MAP3K4: variants seen among roughly 807,000 people sequenced by gnomAD.
MAP3K4 encodes the protein MAP three kinase 1.
MAP3K4 carries 67 observed loss-of-function variants against 185.6 expected under a neutral mutation model. The observed-to-expected ratio is 0.36, with a 90% CI of 0.30 to 0.44. The LOEUF is 0.44. Among genes scored for constraint, MAP3K4 ranks in the 20% least tolerant of loss-of-function variants. The pLI, the probability that MAP3K4 is intolerant of heterozygous loss-of-function variation, is 1.00. For synonymous variants in MAP3K4, 702 were observed against 710.4 expected (o/e 0.99, Z 0.19); for missense variants, 1,551 against 1,995.1 (o/e 0.78, Z 4.24).
chr6:161,050,147 C>T (rs1033143926), intron 3 of MAP3K4, among the ~76,000 whole-genome samples, 168 bp downstream of exon 3: 4 of 152,084 alleles, frequency 2.6e-5, no homozygotes, highest in African/African-American at 9.7e-5. Context: ...TTAAATAGAT[C>T]TATGAAAACT....
chr6:161,004,838 CAG>C (rs1009484487), intron 1 of MAP3K4, among the ~76,000 whole-genome samples: 46 of 152,092 alleles, frequency 3.0e-4, no homozygotes, highest in African/African-American at 1.1e-3. Flanking sequence ...CATAGTAAAA[CAG>C]AGAATCTTGC....
rs1355030319 is a variant in MAP3K4 at position 161,117,347 on chromosome 6, G to A, written c.*477G>A. On this transcript the variant is annotated 3_prime_UTR_variant, in exon 27 of 27. Transcript: ENST00000392142. ...CTGATTACTGAAATTTAAGAAAAAG[G>A]TTCTTTTTTCAATAAATGGTTTATT... 6.5e-6 allele frequency: 1 copy of A among 154,602 alleles called. No homozygotes were observed. Among genetic ancestry groups the A allele is most frequent in the Non-Finnish European group, 1.4e-5 (1 of 69,470 alleles). 9.6% of individuals were successfully genotyped at this position (154,602 alleles called of 1,614,324 possible). A position where few individuals can be genotyped will look rare whatever the true frequency, so the allele number is the denominator to read the frequency against.
chr6:161,055,525 A>G (rs1176688205), intron 3 of MAP3K4, among the ~76,000 whole-genome samples: 1 of 152,226 alleles, frequency 6.6e-6, no homozygotes, highest in Non-Finnish European at 1.5e-5. Flanking sequence ...GTTAAAACTA[A>G]TATATTAACA....
Position 161,075,956 on chromosome 6 carries a change from G to A in MAP3K4, c.2097+2344G>A, listed in dbSNP as rs1014808538. ...GTGTTTCTATTAGGAAGGAAGGAAA[G>A]AACAGCAATTGAATTGGCAGTCAAA... On this transcript the variant is annotated intron_variant, in intron 5 of 26. Coordinates refer to ENST00000392142, the MANE Select transcript of MAP3K4 (RefSeq NM_005922.4). This position sits in a 1 kb window ranked among gnomAD's most constrained non-coding sequence, Gnocchi z 4.3. 3.9e-5 allele frequency among the ~76,000 whole-genome samples: 6 copies of A among 151,940 alleles called. No homozygotes were observed. Among genetic ancestry groups the A allele is most frequent in the African/African-American group, 9.7e-5 (4 of 41,334 alleles).
intron 23 of MAP3K4, among the ~76,000 whole-genome samples, chr6:161,111,455 A>C (rs542090253): frequency 6.6e-6 from 1 of 152,178 alleles, no homozygotes; most frequent in African/African-American, 2.4e-5. Context: ...TCTCATCTAC[A>C]TGTCGCTTCC....
intron 2 of MAP3K4, among the ~76,000 whole-genome samples, chr6:161,044,887 T>A (rs925396271): frequency 7.2e-5 from 11 of 152,142 alleles, no homozygotes; most frequent in African/African-American, 2.7e-4. Context: ...GACTGGCTGG[T>A]TCCCGTGGGG....
At position 161,067,718 on chromosome 6, in the gene MAP3K4, G is replaced by T. The variant is rs974111967; in HGVS notation, c.1708-2890G>T. Among the ~76,000 whole-genome samples, 1 of 152,168 alleles carries T rather than the reference G, an allele frequency of 6.6e-6. No homozygotes were observed. Among genetic ancestry groups the T allele is most frequent in the Non-Finnish European group, 1.5e-5 (1 of 68,018 alleles). ...GATGTCAGGTTATAATAGACTAAAC[G>T]TCTGTGTTTTAAGAGACAAGAATTT... On this transcript the variant is annotated intron_variant, in intron 3 of 26. Transcript: ENST00000392142. The surrounding 1 kb of genome is among the most constrained non-coding windows in gnomAD (Gnocchi z 6.3).
At chr6:161,036,717 C>T (rs1313242849) in intron 2 of MAP3K4, among the ~76,000 whole-genome samples, 1 of 152,160 alleles carries the variant, frequency 6.6e-6, no homozygotes, top group Non-Finnish European at 1.5e-5. Context: ...AAAGAATTAT[C>T]TTTTGAATAA....
rs745798792 is a variant in MAP3K4 at position 161,117,019 on chromosome 6, T to A, written c.*149T>A. 7.4e-5 allele frequency: 53 copies of A among 720,448 alleles called. No individual in the cohort carries two copies. The highest frequency in any genetic ancestry group is 1.2e-4 in the Non-Finnish European group (51 of 432,838). The allele number at this position is 720,448 out of a possible 1,614,324, so 44.6% of individuals were successfully genotyped here. A position where few individuals can be genotyped will look rare whatever the true frequency, so the allele number is the denominator to read the frequency against. On this transcript the variant is annotated 3_prime_UTR_variant, in exon 27 of 27. Transcript: ENST00000392142. ...TGACAAGCGTCACTTCTCCTGCTGCTCCTGTTTGTCTGATGTGGCAAAAGG... is the reference window on the plus strand; with the variant it reads ...TGACAAGCGTCACTTCTCCTGCTGCACCTGTTTGTCTGATGTGGCAAAAGG...
intron 1 of MAP3K4, among the ~76,000 whole-genome samples, chr6:161,030,605 G>A (rs1345278720): frequency 6.6e-6 from 1 of 151,902 alleles, no homozygotes; most frequent in South Asian, 2.1e-4. Context: ...TGTAGAGATG[G>A]GGTTTTGCCA....
In MAP3K4 at chr6:161,108,031, A is replaced by G. The variant is rs1251360299; in HGVS notation, c.4119+62A>G. The G allele has an allele frequency of 6.9e-7, 1 of 1,458,094 alleles. No homozygotes were observed. Among genetic ancestry groups the G allele is most frequent in the Non-Finnish European group, 9.5e-7 (1 of 1,048,462 alleles). 90.3% of individuals were successfully genotyped at this position (1,458,094 alleles called of 1,614,324 possible). A position where few individuals can be genotyped will look rare whatever the true frequency, so the allele number is the denominator to read the frequency against. ...CGGCTCTGGGTGATAGAAATTCCGT[A>G]TAGACGCTGGTCGTGATTCAGTTCT... On this transcript the variant is annotated intron_variant, in intron 21 of 26. Transcript: ENST00000392142. The surrounding 1 kb of genome is among the most constrained non-coding windows in gnomAD (Gnocchi z 5.7).
Position 161,080,808 on chromosome 6 carries a change from T to C in MAP3K4, c.2098-73T>C, listed in dbSNP as rs1785416852. ...GCCCCCACTTTACCCTGCTGATGTG[T>C]AGCTTTCAGGTGAGAGCGCTGAGTT... On this transcript the variant is annotated intron_variant, in intron 5 of 26. Coordinates refer to ENST00000392142, the MANE Select transcript of MAP3K4 (RefSeq NM_005922.4). The surrounding 1 kb of genome is among the most constrained non-coding windows in gnomAD (Gnocchi z 4.8). 1.4e-6 allele frequency: 2 copies of C among 1,395,800 alleles called. No homozygotes were observed. Among genetic ancestry groups the C allele is most frequent in the African/African-American group, 2.9e-5 (2 of 70,012 alleles). The allele number at this position is 1,395,800 out of a possible 1,614,324, so 86.5% of individuals were successfully genotyped here. A position where few individuals can be genotyped will look rare whatever the true frequency, so the allele number is the denominator to read the frequency against.
chr6:161,083,816 A>G (rs9458115), intron 6 of MAP3K4, among the ~76,000 whole-genome samples: 3,803 of 152,254 alleles, frequency 0.025, 107 homozygotes, highest in African/African-American at 0.067. Context: ...CATGCCTTCA[A>G]TGGGTCTGAA....
chr6:161,111,618 C>CA (rs1778353941), intron 23 of MAP3K4, among the ~76,000 whole-genome samples: 1 of 152,196 alleles, frequency 6.6e-6, no homozygotes, highest in African/African-American at 2.4e-5. Flanking sequence ...ATTTATTGGT[C>CA]AAGGCTACCT....
chr6:161,079,588 G>A (rs528987405), intron 5 of MAP3K4, among the ~76,000 whole-genome samples: 124 of 152,244 alleles, frequency 8.1e-4, no homozygotes, highest in African/African-American at 2.8e-3. Context: ...AAAAAAGAAA[G>A]AAAAAGAAAA....
chr6:161,044,047 GT>G (rs1783610732), intron 2 of MAP3K4, among the ~76,000 whole-genome samples: 1 of 152,042 alleles, frequency 6.6e-6, no homozygotes, highest in African/African-American at 2.4e-5. Flanking sequence ...CTTGTCATTG[GT>G]TCCTTTCAGT....
chr6:161,003,705 T>C (rs1231299174), intron 1 of MAP3K4, among the ~76,000 whole-genome samples: 1 of 152,180 alleles, frequency 6.6e-6, no homozygotes, highest in South Asian at 2.1e-4. Context: ...TTAAAGTGGC[T>C]GTGGTTAACT....
intron 1 of MAP3K4, among the ~76,000 whole-genome samples, chr6:161,009,170 A>T (rs927460126): frequency 1.3e-5 from 2 of 151,968 alleles, no homozygotes; most frequent in African/African-American, 4.8e-5. Context: ...TTTTTAGTAG[A>T]GACGGGGTTT....
At chr6:161,005,701 G>T (rs1033916149) in intron 1 of MAP3K4, among the ~76,000 whole-genome samples, 1 of 152,160 alleles carries the variant, frequency 6.6e-6, no homozygotes, top group Non-Finnish European at 1.5e-5. Context: ...TAATAAACAT[G>T]TATAAGTTTA....
Sources: allele counts gnomAD v4.1 joint callset (sites outside exome capture counted in the v4.1 genomes callset), GRCh38; gene constraint gnomAD v4.1.1; non-coding constraint Gnocchi (gnomAD v3.1); transcripts MANE v1.5; gene names NCBI Gene and HGNC (gene_info 2026-07-23, HGNC 2026-07-21).